SP110: variants seen among roughly 807,000 people sequenced by gnomAD.
SP110 encodes the protein interferon-induced protein 41, 30kD.
Under a neutral mutation model 92.7 loss-of-function variants are expected in SP110, and 62 were observed. The observed-to-expected ratio is 0.67, with a 90% CI of 0.55 to 0.83. SP110 has a LOEUF of 0.83. Ranked by LOEUF, SP110 falls within the 40% of genes least tolerant of loss-of-function variation. The pLI is 0.00. For missense variants in SP110, 793 were observed against 863.9 expected, an observed-to-expected ratio of 0.92 and a Z score of 1.03; for synonymous variants, 273 against 305.3, an observed-to-expected ratio of 0.89 and a Z score of 1.10.
At position 230,168,838 on chromosome 2, in the gene SP110, T is replaced by A; in HGVS notation, c.*286A>T. ...TTGTTTAGATCCTGATTTGAACAAA[T>A]CAACTCTAAAAAGACTTATGAGACA... is the stretch of plus-strand genomic sequence containing the variant. On this transcript the variant is annotated 3_prime_UTR_variant, in exon 19 of 19. Transcript: ENST00000258381. 2 of 331,848 alleles carry A rather than the reference T, an allele frequency of 6.0e-6. No individual in the cohort carries two copies. Among genetic ancestry groups the A allele is most frequent in the South Asian group, 6.5e-5 (2 of 30,880 alleles). The allele number at this position is 331,848 out of a possible 1,614,324, so 20.6% of individuals were successfully genotyped here. A position where few individuals can be genotyped will look rare whatever the true frequency, so the allele number is the denominator to read the frequency against.
intron 12 of SP110, among the ~76,000 whole-genome samples, chr2:230,182,537 G>A (rs918724079): frequency 6.6e-6 from 1 of 151,980 alleles, no homozygotes; most frequent in Non-Finnish European, 1.5e-5. Context: ...TCACTTTGGG[G>A]TTGGGTGGGT....
rs1574579340 is a variant in SP110 at position 230,167,302 on chromosome 2, A to C, written c.*1822T>G. The stretch of plus-strand genomic sequence containing the variant: ...TTTTTTTTTTTTTTTTGTAGAGATG[A>C]GGTTTTGCCATGTTACCCAGGCTGG... On this transcript the variant is annotated 3_prime_UTR_variant, in exon 19 of 19. Coordinates refer to ENST00000258381, the MANE Select transcript of SP110 (RefSeq NM_080424.4). 7.6e-6 allele frequency: 1 copy of C among 130,782 alleles called. No homozygotes were observed. Among genetic ancestry groups the C allele is most frequent in the African/African-American group, 3.0e-5 (1 of 33,888 alleles). The allele number at this position is 130,782 out of a possible 1,614,324, so 8.1% of individuals were successfully genotyped here. A position where few individuals can be genotyped will look rare whatever the true frequency, so the allele number is the denominator to read the frequency against.
At chr2:230,197,921 G>T in intron 10 of SP110, among the ~76,000 whole-genome samples, 1 of 152,080 alleles carries the variant, frequency 6.6e-6, no homozygotes, top group East Asian at 1.9e-4. Context: ...CAAAGTGCTG[G>T]GATTACAGGT....
chr2:230,202,861 T>A, intron 8 of SP110, 133 bp from the exon 9 acceptor site: 1 of 839,532 alleles, frequency 1.2e-6, no homozygotes, highest in Non-Finnish European at 2.1e-6. Flanking sequence ...TGTACCTCAC[T>A]TTTCTCCTCC....
At chr2:230,184,703 A>AT (rs1235140950) in intron 11 of SP110, among the ~76,000 whole-genome samples, 1 of 6,790 alleles carries the variant, frequency 1.5e-4, no homozygotes, top group African/African-American at 7.5e-4. Context: ...CGGATTTAAC[A>AT]AAAAAAAATG....
chr2:230,202,813 A>C, intron 8 of SP110, 85 bp from the exon 9 acceptor site: 24 of 1,294,506 alleles, frequency 1.9e-5, no homozygotes, highest in South Asian at 2.4e-5. Context: ...TTCCCTTCTC[A>C]TGCCCCTAAC....
At chr2:230,173,198 C>G (rs1295953215) in intron 14 of SP110, 2 of 485,464 alleles carry the variant, frequency 4.1e-6, no homozygotes, top group African/African-American at 3.9e-5. Flanking sequence ...CTGTGGCTTG[C>G]CAACAGGTTC....
intron 11 of SP110, among the ~76,000 whole-genome samples, 196 bp from the exon 12 acceptor site, chr2:230,183,836 T>A (rs185266747): frequency 2.0e-5 from 3 of 152,308 alleles, no homozygotes; most frequent in African/African-American, 7.2e-5. Flanking sequence ...GCAGAAAAGC[T>A]AAAAATACTA....
intron 14 of SP110, chr2:230,173,829 CT>C (rs571313602): frequency 1.2e-3 from 178 of 152,288 alleles, no homozygotes; most frequent in African/African-American, 4.1e-3. Flanking sequence ...ATAGATTTGA[CT>C]AATGTGTTCT....
chr2:230,220,174 T>A (rs566111932), upstream of SP110: 119 of 705,294 alleles, frequency 1.7e-4, no homozygotes, highest in Admixed American at 2.8e-3. Flanking sequence ...CCAGTTGGGA[T>A]CAGCCCAGAG....
rs201627465 is a variant in SP110 at position 230,169,071 on chromosome 2, G to T, written c.*53C>A. 322 of 1,202,984 alleles carry T rather than the reference G, an allele frequency of 2.7e-4. No individual in the cohort carries two copies. The highest frequency in any genetic ancestry group is 9.5e-4 in the Middle Eastern group (5 of 5,250). 74.5% of individuals were successfully genotyped at this position (1,202,984 alleles called of 1,614,324 possible). On this transcript the variant is annotated 3_prime_UTR_variant, in exon 19 of 19. Coordinates refer to ENST00000258381, the MANE Select transcript of SP110 (RefSeq NM_080424.4). The stretch of plus-strand genomic sequence containing the variant: ...CTGGCAATCAACAGTCCAAGCCAGG[G>T]TCCCATCAGCTGAATCCTGAGGTGG...
At chr2:230,212,036 T>G (rs2044540972) in intron 5 of SP110, among the ~76,000 whole-genome samples, 1 of 152,200 alleles carries the variant, frequency 6.6e-6, no homozygotes, top group Non-Finnish European at 1.5e-5. Flanking sequence ...AACATTGTTC[T>G]TAGAATCCAA....
intron 12 of SP110, among the ~76,000 whole-genome samples, chr2:230,181,858 T>G (rs2148728005): frequency 6.6e-6 from 1 of 152,348 alleles, no homozygotes; most frequent in Middle Eastern, 3.4e-3. Flanking sequence ...TTGGTGGGAA[T>G]GTAAATTAGT....
chr2:230,195,867 C>T (rs1225562384), intron 10 of SP110, among the ~76,000 whole-genome samples: 2 of 151,876 alleles, frequency 1.3e-5, no homozygotes, highest in African/African-American at 2.4e-5. Flanking sequence ...ATATACATAG[C>T]ATATAGAAGG....
chr2:230,182,349 T>C (rs1038070091), intron 12 of SP110, among the ~76,000 whole-genome samples: 1 of 152,296 alleles, frequency 6.6e-6, no homozygotes, highest in East Asian at 1.9e-4. Flanking sequence ...AGCTAATGCA[T>C]GTTGGGCTTA....
chr2:230,173,558 T>G (rs773552138), intron 14 of SP110: 1 of 158,738 alleles, frequency 6.3e-6, no homozygotes, highest in East Asian at 1.8e-4. Context: ...GTTAAAATAT[T>G]TAATACTGAT....
intron 14 of SP110, among the ~76,000 whole-genome samples, chr2:230,174,517 CACCCA>C (rs2041761433): frequency 6.6e-6 from 1 of 152,170 alleles, no homozygotes; most frequent in Non-Finnish European, 1.5e-5. Flanking sequence ...ATCTCTGGAC[CACCCA>C]TGATGGCCAT....
At chr2:230,221,612 C>T (rs2045827168), upstream of SP110, 2 of 1,249,516 alleles carry the variant, frequency 1.6e-6, no homozygotes, top group Admixed American at 2.0e-5. Flanking sequence ...GCATTGATGC[C>T]TCAGCATGCA....
At chr2:230,217,504 G>A (rs1308664438) in intron 1 of SP110, among the ~76,000 whole-genome samples, 1 of 152,200 alleles carries the variant, frequency 6.6e-6, no homozygotes, top group African/African-American at 2.4e-5. Flanking sequence ...GGTATTAAAA[G>A]TAGCTAATAT....
Sources: gnomAD v4.1 joint callset for allele counts (sites outside exome capture counted in the v4.1 genomes callset) on GRCh38, gnomAD v4.1.1 for gene constraint, MANE v1.5 for transcripts, NCBI Gene and HGNC (gene_info 2026-07-23, HGNC 2026-07-21) for gene names.